B9D1: variants seen among roughly 807,000 people sequenced by gnomAD.
B9D1 encodes the protein B9 domain containing 1.
A neutral mutation model predicts 26.1 loss-of-function variants in B9D1; 20 were observed. The ratio of observed to expected loss-of-function variants is 0.77; its 90% CI spans 0.54 to 1.12. B9D1 has a LOEUF of 1.12. Among genes scored for constraint, B9D1 ranks in the 50% most tolerant of loss-of-function variants. The pLI, the probability that B9D1 is intolerant of heterozygous loss-of-function variation, is 0.00. For missense variants in B9D1, 260 were observed against 273.7 expected, an observed-to-expected ratio of 0.95 and a Z score of 0.35; for synonymous variants, 105 against 103.1, an observed-to-expected ratio of 1.02 and a Z score of -0.11.
Position 19,347,159 on chromosome 17 carries a change from G to A in B9D1, c.404+110C>T, listed in dbSNP as rs1186792195. 6.2e-7 allele frequency: 1 copy of A among 1,612,114 alleles called. No homozygotes were observed. The highest frequency in any genetic ancestry group is 1.1e-5 in the South Asian group (1 of 90,824). ...TGTTTCTATTTGTCCTCAGTGGGTG[G>A]AGCAGCTTGCAGATCTGAGGAGGCG... is the stretch of plus-strand genomic sequence containing the variant. On this transcript the variant is annotated intron_variant, in intron 5 of 6. Coordinates refer to ENST00000261499, the MANE Select transcript of B9D1 (RefSeq NM_015681.6). This position sits in a 1 kb window ranked among gnomAD's most constrained non-coding sequence, Gnocchi z 4.3.
At chr17:19,339,875 G>C (rs1413441027), downstream of B9D1, among the ~76,000 whole-genome samples, 2 of 152,180 alleles carry the variant, frequency 1.3e-5, no homozygotes, top group Non-Finnish European at 2.9e-5. Flanking sequence ...CTTGATACAA[G>C]GGGCCTAGGA....
Position 19,362,528 on chromosome 17 carries a change from G to A in B9D1, c.42C>T (p.Asn14=). The A allele has an allele frequency of 1.0e-5, 16 of 1,582,420 alleles. No homozygotes were observed. The highest frequency in any genetic ancestry group is 1.4e-5 in the Non-Finnish European group (16 of 1,164,446). The change falls in exon 1 of 7, where the codon AAC becomes AAT. Residue 14 remains asparagine, a synonymous_variant. Coordinates refer to ENST00000261499, the MANE Select transcript of B9D1 (RefSeq NM_015681.6). Reference sequence around the variant, plus strand: ...TCACCTGGGCGCTCTCCACCTGCCCGTTGACCATGAGTAGAAAGACGCTAG... The same window carrying A: ...TCACCTGGGCGCTCTCCACCTGCCCATTGACCATGAGTAGAAAGACGCTAG... ...ASPSVFLLMV[N]GQVESAQFPE... is the part of the protein sequence containing the mutation.
downstream of B9D1, chr17:19,336,330 C>T (rs900725491): frequency 6.6e-6 from 1 of 152,308 alleles, no homozygotes; most frequent in Non-Finnish European, 1.5e-5. Context: ...GGTGCAGGGC[C>T]TGGGCCAGCC....
At chr17:19,352,926 C>T (rs1047745739) in intron 3 of B9D1, among the ~76,000 whole-genome samples, 16 of 150,230 alleles carry the variant, frequency 1.1e-4, no homozygotes, top group Non-Finnish European at 1.5e-5. Flanking sequence ...TTTTGGCCTC[C>T]GAAAGTGCTG....
At chr17:19,346,426 A>C (rs966528779) in intron 5 of B9D1, among the ~76,000 whole-genome samples, 3 of 152,202 alleles carry the variant, frequency 2.0e-5, no homozygotes, top group Non-Finnish European at 2.9e-5. Flanking sequence ...CCAGGCTCGC[A>C]GGGGCTGCTT....
rs552396204 is a variant in B9D1 at position 19,359,650 on chromosome 17, G to A, written c.132+670C>T. Reference sequence around the variant, plus strand: ...TATTATCTGACCCCCCAGCAAGAACGTGCGCTCCGGGAAGGCAGGGTCTTC... The same window carrying A: ...TATTATCTGACCCCCCAGCAAGAACATGCGCTCCGGGAAGGCAGGGTCTTC... On this transcript the variant is annotated intron_variant, in intron 2 of 6. Transcript: ENST00000261499. This position sits in a 1 kb window ranked among gnomAD's most constrained non-coding sequence, Gnocchi z 5.0. Among the ~76,000 whole-genome samples the A allele has an allele frequency of 2.6e-5, 4 of 152,242 alleles. No individual in the cohort carries two copies. Among genetic ancestry groups the A allele is most frequent in the Admixed American group, 6.5e-5 (1 of 15,290 alleles).
chr17:19,355,772 T>G (rs1397700005), intron 3 of B9D1, among the ~76,000 whole-genome samples: 1 of 151,970 alleles, frequency 6.6e-6, no homozygotes, highest in Non-Finnish European at 1.5e-5. Context: ...AGGCAGAGCT[T>G]GCAGTGAGCT....
intron 1 of B9D1, among the ~76,000 whole-genome samples, chr17:19,367,950 G>A (rs2152282374): frequency 6.6e-6 from 1 of 152,304 alleles, no homozygotes. Flanking sequence ...TTGAGTGAAT[G>A]CATGAGTGGA....
intron 3 of B9D1, among the ~76,000 whole-genome samples, chr17:19,349,988 T>G (rs1598063154): frequency 6.6e-6 from 1 of 151,854 alleles, no homozygotes; most frequent in African/African-American, 2.4e-5. Flanking sequence ...GGCGGGCGCC[T>G]GTAGTCCCAG....
At position 19,347,796 on chromosome 17, in the gene B9D1, A is replaced by T; in HGVS notation, c.329T>A (p.Phe110Tyr). The T allele has an allele frequency of 6.2e-7, 1 of 1,613,704 alleles. No homozygotes were observed. The highest frequency in any genetic ancestry group is 8.5e-7 in the Non-Finnish European group (1 of 1,179,900). Residue 110 changes from phenylalanine to tyrosine, a missense_variant, in exon 4 of 7, where the codon TTC becomes TAC. Physicochemically the swap from Phe to Tyr is conservative, Grantham distance 22. Transcript: ENST00000261499. This position sits in a 1 kb window ranked among gnomAD's most constrained non-coding sequence, Gnocchi z 4.3. ...VRGYGAVHVP[F>Y]SPGRHKRTIP... is the part of the protein sequence containing the mutation. ...AATGAGGACCTACCGGCCAGGTGAG[A>T]AGGGCACGTGCACGGCCCCATAGCC...
intron 1 of B9D1, among the ~76,000 whole-genome samples, chr17:19,361,260 G>A (rs1214359933): frequency 1.3e-5 from 2 of 152,152 alleles, no homozygotes; most frequent in African/African-American, 4.8e-5. Context: ...GAAATAAAGT[G>A]CACAATAAAT....
downstream of B9D1, chr17:19,341,243 T>C (rs1567878931): frequency 1.5e-5 from 18 of 1,231,556 alleles, no homozygotes; most frequent in Non-Finnish European, 1.7e-5. Flanking sequence ...AAGCTTCAGG[T>C]CCCCTTGATG....
upstream of B9D1, among the ~76,000 whole-genome samples, chr17:19,367,373 G>A (rs1176335684): frequency 5.4e-5 from 8 of 148,336 alleles, no homozygotes; most frequent in East Asian, 4.0e-4. Flanking sequence ...GTGCAGTGGC[G>A]CCATCTCGGC....
downstream of B9D1, chr17:19,337,760 A>G (rs1220247115): frequency 6.5e-7 from 1 of 1,530,132 alleles, no homozygotes; most frequent in Non-Finnish European, 8.8e-7. Context: ...TATGAAGGGA[A>G]AAATGGACAA....
chr17:19,354,461 T>C (rs924873884), intron 3 of B9D1, among the ~76,000 whole-genome samples: 39 of 152,250 alleles, frequency 2.6e-4, no homozygotes, highest in African/African-American at 7.7e-4. Flanking sequence ...TTATGCATAA[T>C]GAAACATAAA....
intron 3 of B9D1, among the ~76,000 whole-genome samples, chr17:19,350,191 C>T (rs1909409797): frequency 6.6e-6 from 1 of 151,780 alleles, no homozygotes. Flanking sequence ...TGGCAGATCA[C>T]TTGAGGCCAG....
chr17:19,367,011 C>T (rs541749784), upstream of B9D1, among the ~76,000 whole-genome samples: 12 of 152,298 alleles, frequency 7.9e-5, no homozygotes, highest in East Asian at 1.4e-3. Context: ...ATGTCTAGGG[C>T]GGTCACGAGA....
chr17:19,348,471 C>T (rs975074359), intron 3 of B9D1, among the ~76,000 whole-genome samples: 5 of 152,190 alleles, frequency 3.3e-5, no homozygotes, highest in South Asian at 2.1e-4. Flanking sequence ...GACTAGGAGC[C>T]GGCCTGACAG....
chr17:19,338,287 G>GCCC (rs1907624057), downstream of B9D1, among the ~76,000 whole-genome samples: 2 of 152,210 alleles, frequency 1.3e-5, no homozygotes, highest in African/African-American at 4.8e-5. Context: ...TCTGCCCCCT[G>GCCC]GTGGGGAGCT....
Sources: allele counts gnomAD v4.1 joint callset (sites outside exome capture counted in the v4.1 genomes callset), GRCh38; gene constraint gnomAD v4.1.1; non-coding constraint Gnocchi (gnomAD v3.1); transcripts MANE v1.5; gene names NCBI Gene and HGNC (gene_info 2026-07-23, HGNC 2026-07-21).